Variants in IGF2BP3 observed in about 807,000 individuals in gnomAD.
IGF2BP3 encodes the protein insulin like growth factor 2 mRNA binding protein 3, also known as insulin-like growth factor 2 mRNA-binding protein 3.
IGF2BP3 carries 9 observed loss-of-function variants against 73.8 expected under a neutral mutation model. That is an observed-to-expected ratio of 0.12 (90% CI 0.07 to 0.21). The LOEUF (loss-of-function observed/expected upper bound fraction) is 0.21. Among genes scored for constraint, IGF2BP3 ranks in the 10% least tolerant of loss-of-function variants. IGF2BP3 has a pLI of 1.00. For synonymous variants in IGF2BP3, 258 were observed against 256.7 expected (o/e 1.01, Z -0.05); for missense variants, 542 against 714.0 (o/e 0.76, Z 2.75).
At position 23,468,651 on chromosome 7, in the gene IGF2BP3, G is replaced by C. The variant is rs919613165; in HGVS notation, c.176-109C>G. Reference sequence around the variant, plus strand: ...CAAATGGCCTCCTGAGGCCCTCGAAGGGCCCCCGAGGCCCGGACGCGGCTC... The same window carrying C: ...CAAATGGCCTCCTGAGGCCCTCGAACGGCCCCCGAGGCCCGGACGCGGCTC... On this transcript the variant is annotated intron_variant, in intron 1 of 14. Coordinates refer to ENST00000258729, the MANE Select transcript of IGF2BP3 (RefSeq NM_006547.3). 2.6e-5 allele frequency: 28 copies of C among 1,089,104 alleles called. No homozygotes were observed. In the South Asian group the frequency reaches 3.5e-4, roughly 14 times the overall value. 67.5% of individuals were successfully genotyped at this position (1,089,104 alleles called of 1,614,324 possible). A position where few individuals can be genotyped will look rare whatever the true frequency, so the allele number is the denominator to read the frequency against.
intron 6 of IGF2BP3, 42 bp downstream of exon 6, chr7:23,351,263 G>A: frequency 6.2e-7 from 1 of 1,605,160 alleles, no homozygotes; most frequent in East Asian, 2.2e-5. Context: ...AGATTCCAAG[G>A]GGAATTCTCA....
chr7:23,412,141 C>A (rs1055562053), intron 3 of IGF2BP3, among the ~76,000 whole-genome samples: 1 of 151,980 alleles, frequency 6.6e-6, no homozygotes, highest in Non-Finnish European at 1.5e-5. Context: ...CGCTACCATG[C>A]CTGGCTAATT....
At chr7:23,313,720 A>G (rs1562663470) in intron 12 of IGF2BP3, 67 bp from the exon 13 acceptor site, 2 of 1,511,864 alleles carry the variant, frequency 1.3e-6, no homozygotes, top group East Asian at 2.3e-5. Context: ...GTTAACTTGA[A>G]AGATGGCCCA....
At chr7:23,320,411 T>C (rs1784104694) in intron 10 of IGF2BP3, among the ~76,000 whole-genome samples, 1 of 151,974 alleles carries the variant, frequency 6.6e-6, no homozygotes, top group African/African-American at 2.4e-5. Context: ...TCACAGTGAC[T>C]GGGCTCCTAA....
intron 2 of IGF2BP3, among the ~76,000 whole-genome samples, chr7:23,453,887 A>G (rs939411465): frequency 6.6e-6 from 1 of 152,120 alleles, no homozygotes; most frequent in African/African-American, 2.4e-5. Context: ...ATCTCACTCT[A>G]TCGCCCAGCT....
At chr7:23,319,924 T>A (rs58278593) in intron 10 of IGF2BP3, among the ~76,000 whole-genome samples, 2,778 of 152,274 alleles carry the variant, frequency 0.018, 83 homozygotes, top group African/African-American at 0.064. Flanking sequence ...TTTGCTTTTT[T>A]TTTGAGATGG....
chr7:23,403,222 G>C (rs887655914), intron 3 of IGF2BP3, among the ~76,000 whole-genome samples: 1 of 152,152 alleles, frequency 6.6e-6, no homozygotes, highest in South Asian at 2.1e-4. Context: ...CCACTAAACT[G>C]AGAGCACACA....
chr7:23,399,208 T>G (rs1489189673), intron 3 of IGF2BP3, among the ~76,000 whole-genome samples: 3 of 152,042 alleles, frequency 2.0e-5, no homozygotes, highest in African/African-American at 7.2e-5. Flanking sequence ...TTGTCAAAGA[T>G]TAGATGGTTG....
intron 2 of IGF2BP3, among the ~76,000 whole-genome samples, chr7:23,435,338 G>C (rs1303189952): frequency 7.0e-6 from 1 of 142,562 alleles, no homozygotes; most frequent in Admixed American, 7.2e-5. Context: ...AAATGATGAA[G>C]TCTCTAGCCC....
At position 23,342,089 on chromosome 7, in the gene IGF2BP3, A is replaced by G. The variant is rs1399153517; in HGVS notation, c.1178T>C (p.Met393Thr). ...PPPTSGPPSA[M>T]TPPYPQFEQS... Reference sequence around the variant, plus strand: ...CTCAAACTGCGGGTAGGGAGGAGTCATGGCTGAAGGGGGCCCTGAGGTGGG... The same window carrying G: ...CTCAAACTGCGGGTAGGGAGGAGTCGTGGCTGAAGGGGGCCCTGAGGTGGG... The change falls in exon 10 of 15, where the codon ATG becomes ACG. Residue 393 changes from methionine to threonine, a missense_variant. By Grantham distance (81) the Met-to-Thr change is moderately conservative. Around this residue, in one of 2 missense-constraint regions of IGF2BP3, gnomAD observed 303 missense variants for 472.1 expected, o/e 0.64. Transcript: ENST00000258729. The G allele has an allele frequency of 1.3e-6, 2 of 1,596,468 alleles. No homozygotes were observed. Among genetic ancestry groups the G allele is most frequent in the Admixed American group, 3.6e-5 (2 of 55,420 alleles).
chr7:23,399,235 T>C (rs887971959), intron 3 of IGF2BP3, among the ~76,000 whole-genome samples: 15 of 152,108 alleles, frequency 9.9e-5, no homozygotes, highest in African/African-American at 1.4e-4. Flanking sequence ...TGTGGCATTA[T>C]TTCTGAGGGC....
intron 13 of IGF2BP3, 80 bp from the exon 14 acceptor site, chr7:23,312,928 T>A: frequency 1.2e-6 from 1 of 807,382 alleles, no homozygotes; most frequent in Non-Finnish European, 2.0e-6. Flanking sequence ...CGCCAGACAG[T>A]GAGCTATGTA....
chr7:23,404,258 A>C (rs910464205), intron 3 of IGF2BP3, among the ~76,000 whole-genome samples: 4 of 152,216 alleles, frequency 2.6e-5, no homozygotes, highest in Non-Finnish European at 4.4e-5. Flanking sequence ...GAAGGAAATG[A>C]GCTAAGAATA....
chr7:23,413,960 G>C (rs1051077368), intron 3 of IGF2BP3: 1 of 152,066 alleles, frequency 6.6e-6, no homozygotes, highest in African/African-American at 2.4e-5. Flanking sequence ...AAACCATCCC[G>C]GCTAACAATG....
intron 3 of IGF2BP3, among the ~76,000 whole-genome samples, chr7:23,400,533 C>A (rs1208249433): frequency 6.6e-6 from 1 of 152,146 alleles, no homozygotes; most frequent in Non-Finnish European, 1.5e-5. Context: ...TAAGGCTGAC[C>A]CAGCCTCAGA....
At chr7:23,388,084 G>A (rs1786145076) in intron 3 of IGF2BP3, among the ~76,000 whole-genome samples, 1 of 152,162 alleles carries the variant, frequency 6.6e-6, no homozygotes, top group Non-Finnish European at 1.5e-5. Flanking sequence ...GGGACTACAG[G>A]TGCCCGACAC....
At chr7:23,411,984 CTTT>C (rs767524257) in intron 3 of IGF2BP3, among the ~76,000 whole-genome samples, 2 of 104,854 alleles carry the variant, frequency 1.9e-5, no homozygotes, top group African/African-American at 8.6e-5. Flanking sequence ...ACTTATTTCT[CTTT>C]TTTTTTTTTT....
At chr7:23,430,956 A>G (rs150825308) in intron 2 of IGF2BP3, among the ~76,000 whole-genome samples, 46 of 152,358 alleles carry the variant, frequency 3.0e-4, no homozygotes, top group African/African-American at 1.1e-3. Flanking sequence ...TATAAATATG[A>G]AAGAATATTT....
intron 10 of IGF2BP3, among the ~76,000 whole-genome samples, chr7:23,334,257 G>A (rs988494586): frequency 6.6e-6 from 1 of 152,154 alleles, no homozygotes; most frequent in Admixed American, 6.5e-5. Context: ...GAATCTGGGA[G>A]GTGGAGGTTA....
Sources: allele counts gnomAD v4.1 joint callset (sites outside exome capture counted in the v4.1 genomes callset), GRCh38; gene constraint gnomAD v4.1.1; regional missense constraint gnomAD v4.1.1; transcripts MANE v1.5; gene names NCBI Gene and HGNC (gene_info 2026-07-23, HGNC 2026-07-21).